The following CA10 variants were observed in gnomAD, a reference collection of about 807,000 sequenced individuals.
CA10 encodes carbonic anhydrase 10 (inactive).
CA10 carries 14 observed loss-of-function variants against 44.2 expected under a neutral mutation model. The observed-to-expected ratio is 0.32, with a 90% CI of 0.21 to 0.50. The LOEUF is 0.50. Among genes scored for constraint, CA10 ranks in the 20% least tolerant of loss-of-function variants. The pLI, the probability that CA10 is intolerant of heterozygous loss-of-function variation, is 0.99. For missense variants in CA10, 350 were observed against 409.7 expected (o/e 0.85, Z 1.26); for synonymous variants, 159 against 141.6 (o/e 1.12, Z -0.87).
intron 2 of CA10, among the ~76,000 whole-genome samples, chr17:52,068,342 G>T (rs930448868): frequency 1.3e-5 from 2 of 152,156 alleles, no homozygotes; most frequent in African/African-American, 4.8e-5. Context: ...TGCCATAATT[G>T]TAAGTTTCCT....
intron 2 of CA10, among the ~76,000 whole-genome samples, chr17:51,955,192 G>C (rs1983621908): frequency 6.6e-6 from 1 of 152,078 alleles, no homozygotes; most frequent in African/African-American, 2.4e-5. Context: ...GTTTCCTACT[G>C]CTCCTTCATC....
intron 2 of CA10, among the ~76,000 whole-genome samples, chr17:51,942,810 T>TAC (rs1983134592): frequency 6.6e-6 from 1 of 152,112 alleles, no homozygotes; most frequent in Non-Finnish European, 1.5e-5. Flanking sequence ...AGGATGATGT[T>TAC]ACTCTAGACC....
chr17:51,633,629 T>G lies in CA10; in HGVS notation c.811A>C (p.Ser271Arg). Reference sequence around the variant, plus strand: ...AAGATCTGAGATGGCTGGTTCTGGCTGAGCAGGCGCAAGGAATGCATCTGA... The same window carrying G: ...AAGATCTGAGATGGCTGGTTCTGGCGGAGCAGGCGCAAGGAATGCATCTGA... ...RMQMHSLRLL[S>R]QNQPSQIFLS... The change falls in exon 8 of 9, where the codon AGC (serine) becomes CGC (arginine). Residue 271 changes from serine (S) to arginine (R), a missense_variant. Physicochemically the swap from Ser to Arg is moderately radical, Grantham distance 110. Coordinates refer to ENST00000451037, the MANE Select transcript of CA10 (RefSeq NM_020178.5). 6.2e-7 allele frequency: 1 copy of G among 1,613,832 alleles called. No homozygotes were observed. The highest frequency in any genetic ancestry group is 8.5e-7 in the Non-Finnish European group (1 of 1,179,838).
At chr17:52,104,189 T>C (rs1317453923) in intron 1 of CA10, among the ~76,000 whole-genome samples, 1 of 61,222 alleles carries the variant, frequency 1.6e-5, no homozygotes, top group Non-Finnish European at 6.1e-5. Context: ...ACCTCCTGCC[T>C]TTTTTTTTTT....
chr17:52,122,398 G>A (rs558526126), intron 1 of CA10, among the ~76,000 whole-genome samples: 2 of 152,216 alleles, frequency 1.3e-5, no homozygotes, highest in South Asian at 2.1e-4. Context: ...GATGCTGATC[G>A]TGTTTTCATT....
chr17:52,032,658 A>G (rs567793798), intron 2 of CA10, among the ~76,000 whole-genome samples: 1 of 152,160 alleles, frequency 6.6e-6, no homozygotes, highest in Non-Finnish European at 1.5e-5. Context: ...AGAATAAAAT[A>G]TGACTGGAAA....
intron 3 of CA10, among the ~76,000 whole-genome samples, chr17:51,818,291 C>T (rs1907643783): frequency 6.6e-6 from 1 of 152,118 alleles, no homozygotes; most frequent in Non-Finnish European, 1.5e-5. Flanking sequence ...TTTAAGTCTG[C>T]ACTAAAAGAA....
chr17:51,813,210 A>G (rs1324015245), intron 3 of CA10, among the ~76,000 whole-genome samples: 1 of 152,218 alleles, frequency 6.6e-6, no homozygotes, highest in East Asian at 1.9e-4. Flanking sequence ...TGGCACATTA[A>G]TAGTCCAGGT....
At chr17:51,743,791 G>A (rs1198080530) in intron 4 of CA10, among the ~76,000 whole-genome samples, 1 of 152,160 alleles carries the variant, frequency 6.6e-6, no homozygotes, top group Non-Finnish European at 1.5e-5. Context: ...GTCTACTTGG[G>A]TCCTCTCAAA....
At chr17:51,839,075 A>G (rs1344256859) in intron 3 of CA10, among the ~76,000 whole-genome samples, 1 of 152,216 alleles carries the variant, frequency 6.6e-6, no homozygotes, top group East Asian at 1.9e-4. Flanking sequence ...TGGAAGAGAC[A>G]CAAATGCATA....
intron 3 of CA10, among the ~76,000 whole-genome samples, chr17:51,771,231 C>T (rs548932782): frequency 1.3e-5 from 2 of 151,498 alleles, no homozygotes; most frequent in South Asian, 4.2e-4. Context: ...GATCCAAACA[C>T]CTCCCACTAG....
intron 4 of CA10, among the ~76,000 whole-genome samples, chr17:51,672,428 C>T (rs1202622262): frequency 6.6e-6 from 1 of 152,192 alleles, no homozygotes; most frequent in Non-Finnish European, 1.5e-5. Flanking sequence ...AACACCAAGG[C>T]ATTGTACTTG....
At chr17:51,715,458 G>A (rs1294934487) in intron 4 of CA10, among the ~76,000 whole-genome samples, 2 of 152,188 alleles carry the variant, frequency 1.3e-5, no homozygotes, top group African/African-American at 4.8e-5. Flanking sequence ...GGTACATAAT[G>A]CTTGTATATA....
At chr17:51,729,339 T>TTTTG (rs1916635049) in intron 4 of CA10, among the ~76,000 whole-genome samples, 1 of 151,972 alleles carries the variant, frequency 6.6e-6, no homozygotes, top group African/African-American at 2.4e-5. Flanking sequence ...TTAAACTTTT[T>TTTTG]TGTGTGTGTG....
intron 4 of CA10, among the ~76,000 whole-genome samples, chr17:51,739,667 C>T (rs1306514090): frequency 6.6e-6 from 1 of 152,160 alleles, no homozygotes; most frequent in Non-Finnish European, 1.5e-5. Context: ...GAACTGCTGA[C>T]TTGATTGGGC....
intron 3 of CA10, among the ~76,000 whole-genome samples, chr17:51,904,135 T>C (rs538181117): frequency 1.3e-5 from 2 of 151,812 alleles, no homozygotes; most frequent in East Asian, 1.9e-4. Context: ...AGAATTTCAG[T>C]GTTAAAACTG....
intron 4 of CA10, among the ~76,000 whole-genome samples, chr17:51,663,612 G>T (rs1004740391): frequency 5.3e-5 from 8 of 152,178 alleles, no homozygotes; most frequent in Admixed American, 5.2e-4. Context: ...CTGATTAAAT[G>T]AACCAAAACA....
intron 3 of CA10, among the ~76,000 whole-genome samples, chr17:51,868,550 A>G (rs778141196): frequency 7.9e-5 from 12 of 152,276 alleles, no homozygotes; most frequent in Non-Finnish European, 1.5e-4. Context: ...ACTTTTGTTG[A>G]TATGTCTCCT....
chr17:51,942,504 C>CAAAAG (rs1983117487), intron 2 of CA10, among the ~76,000 whole-genome samples: 1 of 143,332 alleles, frequency 7.0e-6, no homozygotes, highest in African/African-American at 2.5e-5. Flanking sequence ...TATAATTACA[C>CAAAAG]TTCCTATTAG....
Sources: gnomAD v4.1 joint callset for allele counts (sites outside exome capture counted in the v4.1 genomes callset) on GRCh38, gnomAD v4.1.1 for gene constraint, MANE v1.5 for transcripts, NCBI Gene and HGNC (gene_info 2026-07-23, HGNC 2026-07-21) for gene names.